The following SIPA1L1 variants were observed in gnomAD, a reference collection of about 807,000 sequenced individuals.
SIPA1L1 encodes the protein signal induced proliferation associated 1 like 1, also known as signal-induced proliferation-associated 1-like protein 1.
SIPA1L1 carries 26 observed loss-of-function variants against 162.7 expected under a neutral mutation model. That is an observed-to-expected ratio of 0.16 (90% CI 0.12 to 0.22). The LOEUF (loss-of-function observed/expected upper bound fraction) is 0.22, where lower values mean the gene tolerates loss of function less well. Among genes scored for constraint, SIPA1L1 ranks in the 10% least tolerant of loss-of-function variants. The pLI, the probability that SIPA1L1 is intolerant of heterozygous loss-of-function variation, is 1.00. For synonymous variants in SIPA1L1, 829 were observed against 837.4 expected, an observed-to-expected ratio of 0.99 and a Z score of 0.17; for missense variants, 1,874 against 2,241.0, an observed-to-expected ratio of 0.84 and a Z score of 3.31.
chr14:71,594,711 C>T (rs117540488), intron 5 of SIPA1L1, among the ~76,000 whole-genome samples: 209 of 152,228 alleles, frequency 1.4e-3, no homozygotes, highest in Non-Finnish European at 2.5e-3. Context: ...TTTTAATGCC[C>T]TTGCCTTTCA....
chr14:71,520,779 G>A (rs770665644), intron 3 of SIPA1L1, among the ~76,000 whole-genome samples: 1 of 151,662 alleles, frequency 6.6e-6, no homozygotes, highest in Non-Finnish European at 1.5e-5. Flanking sequence ...TTGACACAGG[G>A]CCTCACTCTG....
intron 4 of SIPA1L1, chr14:71,574,643 A>G (rs2032686773): frequency 6.6e-6 from 1 of 152,222 alleles, no homozygotes; most frequent in Admixed American, 6.5e-5. Context: ...CTATGTTTTA[A>G]GATCAAACTT....
chr14:71,521,649 A>G (rs1426242859), intron 3 of SIPA1L1, among the ~76,000 whole-genome samples: 1 of 152,238 alleles, frequency 6.6e-6, no homozygotes. Flanking sequence ...TTTTGCTACA[A>G]ATATGTGTCC....
chr14:71,429,296 G>A (rs1417623656), intron 2 of SIPA1L1, among the ~76,000 whole-genome samples: 2 of 151,940 alleles, frequency 1.3e-5, no homozygotes. Context: ...CTCTCCACTG[G>A]TAAACAGTTT....
chr14:71,455,303 GTGAT>G (rs2046111137), intron 2 of SIPA1L1, among the ~76,000 whole-genome samples: 1 of 152,204 alleles, frequency 6.6e-6, no homozygotes, highest in Non-Finnish European at 1.5e-5. Context: ...GAATGGCGAA[GTGAT>G]TGATTCCAAA....
intron 4 of SIPA1L1, among the ~76,000 whole-genome samples, chr14:71,546,741 A>G (rs895879973): frequency 2.0e-5 from 3 of 152,226 alleles, no homozygotes; most frequent in East Asian, 3.8e-4. Flanking sequence ...ATCTGAAGCT[A>G]TACAAGTTGA....
chr14:71,366,157 A>T (rs1320919239), intron 2 of SIPA1L1, among the ~76,000 whole-genome samples: 2 of 152,168 alleles, frequency 1.3e-5, no homozygotes, highest in Non-Finnish European at 2.9e-5. Context: ...TTTTAAAAGC[A>T]TCACTGTTGA....
intron 12 of SIPA1L1, 64 bp from the exon 13 acceptor site, chr14:71,685,298 G>A (rs1000188766): frequency 1.9e-6 from 3 of 1,544,216 alleles, no homozygotes; most frequent in Non-Finnish European, 2.7e-6. Context: ...GAGAATCAAT[G>A]TGGTTCCACC....
intron 2 of SIPA1L1, among the ~76,000 whole-genome samples, chr14:71,492,039 G>A (rs897216735): frequency 2.0e-5 from 3 of 152,110 alleles, no homozygotes; most frequent in African/African-American, 4.8e-5. Context: ...CTGTGTAATG[G>A]CGAGGCACCA....
intron 7 of SIPA1L1, 174 bp from the exon 8 acceptor site, chr14:71,650,161 G>A (rs1010057967): frequency 2.4e-5 from 17 of 696,488 alleles, no homozygotes; most frequent in African/African-American, 1.4e-4. Context: ...CATGAAGTTC[G>A]TAGATACTTG....
rs1035205741 is a variant in SIPA1L1 at position 71,502,380 on chromosome 14, A to T, written c.-464-10363A>T. ...CAGCCTCCCGAGTAGCTGAGACTAC[A>T]GGCACATGCTACCATGCCTGGCAAT... is the stretch of plus-strand genomic sequence containing the variant. On this transcript the variant is annotated intron_variant, in intron 2 of 23. Transcript: ENST00000381232. Among the ~76,000 whole-genome samples the T allele has an allele frequency of 1.5e-4, 22 of 151,344 alleles. 1 individual carries two copies. Among genetic ancestry groups the T allele is most frequent in the South Asian group, 1.3e-3 (6 of 4,776 alleles).
At chr14:71,476,699 A>T (rs576385194) in intron 2 of SIPA1L1, among the ~76,000 whole-genome samples, 52 of 139,976 alleles carry the variant, frequency 3.7e-4, no homozygotes, top group Admixed American at 1.3e-3. Flanking sequence ...ATTTTTTGAG[A>T]TGGAGTCTAG....
At chr14:71,439,949 T>A (rs1567025410) in intron 2 of SIPA1L1, among the ~76,000 whole-genome samples, 2 of 152,210 alleles carry the variant, frequency 1.3e-5, no homozygotes, top group Admixed American at 6.5e-5. Flanking sequence ...TAATTCCTGT[T>A]ATACGGGAAG....
intron 7 of SIPA1L1, among the ~76,000 whole-genome samples, chr14:71,634,177 G>A (rs2040876479): frequency 2.0e-5 from 3 of 151,938 alleles, no homozygotes; most frequent in African/African-American, 7.2e-5. Flanking sequence ...GAGGCAGGTG[G>A]ATCACCTGAG....
intron 9 of SIPA1L1, among the ~76,000 whole-genome samples, chr14:71,659,000 A>G (rs1237825995): frequency 6.6e-6 from 1 of 152,232 alleles, no homozygotes; most frequent in Non-Finnish European, 1.5e-5. Context: ...TCAATGCCCA[A>G]TTACTAAAGT....
At chr14:71,404,868 C>T (rs988139547) in intron 2 of SIPA1L1, among the ~76,000 whole-genome samples, 4 of 152,212 alleles carry the variant, frequency 2.6e-5, no homozygotes, top group African/African-American at 9.7e-5. Context: ...AGCTCCAATT[C>T]CATACTTCTT....
At chr14:71,442,027 G>C (rs1271380869) in intron 2 of SIPA1L1, among the ~76,000 whole-genome samples, 1 of 151,746 alleles carries the variant, frequency 6.6e-6, no homozygotes, top group Non-Finnish European at 1.5e-5. Flanking sequence ...CAAAAAATTA[G>C]GTAGGCATGG....
At chr14:71,443,045 A>T (rs1488102756) in intron 2 of SIPA1L1, among the ~76,000 whole-genome samples, 1 of 152,200 alleles carries the variant, frequency 6.6e-6, no homozygotes, top group African/African-American at 2.4e-5. Context: ...TGAGATGGTT[A>T]TTGGAATATC....
chr14:71,554,867 T>TA (rs1229721123), intron 4 of SIPA1L1, among the ~76,000 whole-genome samples: 9 of 151,964 alleles, frequency 5.9e-5, no homozygotes, highest in Non-Finnish European at 1.0e-4. Context: ...ATTGTTTCCT[T>TA]AAAAAATACT....
Sources: gnomAD v4.1 joint callset for allele counts (sites outside exome capture counted in the v4.1 genomes callset) on GRCh38, gnomAD v4.1.1 for gene constraint, MANE v1.5 for transcripts, NCBI Gene and HGNC (gene_info 2026-07-23, HGNC 2026-07-21) for gene names.